ADCY8: variants seen among roughly 807,000 people sequenced by gnomAD.
ADCY8 encodes the protein adenylate cyclase type 8.
A neutral mutation model predicts 119.7 loss-of-function variants in ADCY8; 51 were observed. That is an observed-to-expected ratio of 0.43 (90% CI 0.34 to 0.54). ADCY8 has a LOEUF of 0.54. Among genes scored for constraint, ADCY8 ranks in the 20% least tolerant of loss-of-function variants. The probability of loss-of-function intolerance (pLI) is 0.03; values close to 1 mark genes in which losing one functional copy is unlikely to be tolerated. For missense variants in ADCY8, 1,383 were observed against 1,598.8 expected, an observed-to-expected ratio of 0.87 and a Z score of 2.30; for synonymous variants, 665 against 651.0, an observed-to-expected ratio of 1.02 and a Z score of -0.33.
At chr8:130,811,120 C>G (rs1317404453) in intron 14 of ADCY8, among the ~76,000 whole-genome samples, 1 of 152,162 alleles carries the variant, frequency 6.6e-6, no homozygotes, top group African/African-American at 2.4e-5. Context: ...CAGGCCTGAG[C>G]CCAGTTTCAG....
chr8:130,873,494 A>G (rs968586797), intron 8 of ADCY8, among the ~76,000 whole-genome samples: 2 of 151,896 alleles, frequency 1.3e-5, no homozygotes, highest in African/African-American at 2.4e-5. Context: ...AATTTTTTGT[A>G]TTTTTAGTAG....
intron 12 of ADCY8, among the ~76,000 whole-genome samples, chr8:130,832,448 A>G (rs1816866143): frequency 6.6e-6 from 1 of 151,824 alleles, no homozygotes; most frequent in Non-Finnish European, 1.5e-5. Flanking sequence ...ACTATTGTGA[A>G]CTCCTAAAGT....
chr8:131,034,873 C>T (rs1451846805), intron 1 of ADCY8, among the ~76,000 whole-genome samples: 1 of 152,110 alleles, frequency 6.6e-6, no homozygotes, highest in Non-Finnish European at 1.5e-5. Context: ...ATGATTTCCA[C>T]CATCTTATCA....
At chr8:130,995,775 C>G (rs548310600) in intron 1 of ADCY8, among the ~76,000 whole-genome samples, 2 of 152,256 alleles carry the variant, frequency 1.3e-5, no homozygotes, top group African/African-American at 4.8e-5. Flanking sequence ...CCCTGCTATA[C>G]TTTATTCCTG....
chr8:130,967,178 C>G (rs1197563779), intron 2 of ADCY8, among the ~76,000 whole-genome samples: 1 of 152,168 alleles, frequency 6.6e-6, no homozygotes, highest in South Asian at 2.1e-4. Context: ...CAATTGTGAG[C>G]ATAGCATTGC....
At chr8:130,906,241 G>A (rs1047730936) in intron 6 of ADCY8, among the ~76,000 whole-genome samples, 2 of 152,172 alleles carry the variant, frequency 1.3e-5, no homozygotes, top group Admixed American at 1.3e-4. Flanking sequence ...CCATGAAATG[G>A]AAGTCCCCAT....
chr8:130,853,387 A>C (rs1817603228), intron 9 of ADCY8, among the ~76,000 whole-genome samples: 1 of 152,204 alleles, frequency 6.6e-6, no homozygotes, highest in African/African-American at 2.4e-5. Context: ...GCGTTGGTTT[A>C]ATCTTTTGCA....
intron 1 of ADCY8, among the ~76,000 whole-genome samples, chr8:131,008,871 C>T (rs1330212593): frequency 6.6e-6 from 1 of 152,124 alleles, no homozygotes; most frequent in Non-Finnish European, 1.5e-5. Context: ...GGAACTGGAG[C>T]AATGGTGACC....
intron 2 of ADCY8, among the ~76,000 whole-genome samples, chr8:130,957,015 G>A (rs190646585): frequency 9.2e-5 from 14 of 152,280 alleles, no homozygotes; most frequent in East Asian, 5.8e-4. Flanking sequence ...AATTGGTACC[G>A]GGACTGGGGC....
At chr8:130,931,513 A>G (rs1820628742) in intron 5 of ADCY8, among the ~76,000 whole-genome samples, 1 of 152,150 alleles carries the variant, frequency 6.6e-6, no homozygotes, top group Non-Finnish European at 1.5e-5. Flanking sequence ...TCCTGCTACT[A>G]TTTGTTTAAA....
At position 130,885,207 on chromosome 8, in the gene ADCY8, G is replaced by A. The variant is rs1818934731; in HGVS notation, c.1912-446C>T. On this transcript the variant is annotated intron_variant, in intron 7 of 17. Transcript: ENST00000286355. The stretch of plus-strand genomic sequence containing the variant: ...CATTTAATGGTGGTGGAGAGACTTG[G>A]GGTCTTATGGCTTGCATTTTTTTTT... Among the ~76,000 whole-genome samples the A allele has an allele frequency of 2.9e-5, 4 of 137,638 alleles. No individual in the cohort carries two copies. The South Asian group carries it at 7.9e-4, about 27-fold the overall frequency. The allele number at this position is 137,638 out of a possible 152,430, so 90.3% of individuals were successfully genotyped here.
chr8:130,815,921 C>T (rs1194580508), intron 13 of ADCY8, among the ~76,000 whole-genome samples: 1 of 152,214 alleles, frequency 6.6e-6, no homozygotes, highest in Non-Finnish European at 1.5e-5. Flanking sequence ...CTAGCCTCCC[C>T]TCTCATGAGA....
Position 131,038,355 on chromosome 8 carries a change from C to T in ADCY8, c.960+1019G>A, listed in dbSNP as rs1016821647. ...CCCCTGACCATGCATCTCACACCAGCCATCTGTTTGAAAACACTTCACTTG... is the reference window on the plus strand; with the variant it reads ...CCCCTGACCATGCATCTCACACCAGTCATCTGTTTGAAAACACTTCACTTG... On this transcript the variant is annotated intron_variant, in intron 1 of 17. Transcript: ENST00000286355. Among the ~76,000 whole-genome samples the T allele has an allele frequency of 1.6e-4, 25 of 152,156 alleles. 1 individual carries two copies. Among genetic ancestry groups the T allele is most frequent in the Admixed American group, 1.5e-3 (23 of 15,278 alleles).
chr8:130,799,608 A>C (rs1179146804), intron 15 of ADCY8, among the ~76,000 whole-genome samples: 1 of 152,170 alleles, frequency 6.6e-6, no homozygotes, highest in Non-Finnish European at 1.5e-5. Context: ...TGGCCTCATG[A>C]GAACTCCCTT....
In ADCY8 at chr8:130,780,765, A is replaced by T. The variant is rs746723664; in HGVS notation, c.3381T>A (p.Ser1127Arg). Residue 1127 changes from serine (S) to arginine (R), a missense_variant, in exon 18 of 18, where the codon AGT (serine) becomes AGA (arginine). Ser to Arg is a moderately radical substitution (Grantham distance 110). Coordinates refer to ENST00000286355, the MANE Select transcript of ADCY8 (RefSeq NM_001115.3). ...LASRMDSTGVSGRIQVPEETY... is the reference protein window; with the variant it reads ...LASRMDSTGVRGRIQVPEETY... ...TCTCCTCTGGGACTTGGATCCGGCC[A>T]CTAACCCCCGTGCTGTCCATTCGGC... 238 of 1,614,044 alleles carry T rather than the reference A, an allele frequency of 1.5e-4. No homozygotes were observed. Among genetic ancestry groups the T allele is most frequent in the Non-Finnish European group, 2.0e-4 (234 of 1,180,026 alleles).
intron 13 of ADCY8, among the ~76,000 whole-genome samples, chr8:130,819,756 C>T (rs979110353): frequency 6.6e-6 from 1 of 150,440 alleles, no homozygotes; most frequent in African/African-American, 2.4e-5. Context: ...AGACCCCAGT[C>T]CTCACAGATA....
chr8:130,960,759 C>G (rs547997719), intron 2 of ADCY8, among the ~76,000 whole-genome samples: 52 of 152,062 alleles, frequency 3.4e-4, no homozygotes, highest in African/African-American at 1.2e-3. Context: ...TATCAGTGAA[C>G]AAATCTGGGA....
chr8:130,847,382 T>C (rs371915539), intron 11 of ADCY8, 42 bp downstream of exon 11: 2 of 1,440,482 alleles, frequency 1.4e-6, no homozygotes, highest in Non-Finnish European at 1.9e-6. Context: ...TAGAGATATA[T>C]CTATGTCCAA....
intron 4 of ADCY8, among the ~76,000 whole-genome samples, chr8:130,938,977 C>T (rs1288356490): frequency 6.6e-6 from 1 of 152,124 alleles, no homozygotes; most frequent in Non-Finnish European, 1.5e-5. Flanking sequence ...GTGTCAGGAT[C>T]AGAATGGAAC....
Sources: allele counts gnomAD v4.1 joint callset (sites outside exome capture counted in the v4.1 genomes callset), GRCh38; gene constraint gnomAD v4.1.1; transcripts MANE v1.5; gene names NCBI Gene and HGNC (gene_info 2026-07-23, HGNC 2026-07-21).